ZP3: variants seen among roughly 807,000 people sequenced by gnomAD.
ZP3 encodes the protein zona pellucida sperm-binding protein 3.
ZP3 carries 21 observed loss-of-function variants against 35.6 expected under a neutral mutation model. That is an observed-to-expected ratio of 0.59 (90% CI 0.42 to 0.85). ZP3 has a LOEUF of 0.85. ZP3 is among the 40% of genes least tolerant of loss of function. The pLI is 0.00. For synonymous variants in ZP3, 207 were observed against 214.5 expected, an observed-to-expected ratio of 0.96 and a Z score of 0.31; for missense variants, 437 against 536.5, an observed-to-expected ratio of 0.81 and a Z score of 1.83.
Position 76,405,146 on chromosome 7 carries a change from C to T in ZP3, c.-67+7349C>T, listed in dbSNP as rs186045095. 3.9e-3 allele frequency among the ~76,000 whole-genome samples: 554 copies of T among 143,794 alleles called. 5 individuals are homozygous for T. The highest frequency in any genetic ancestry group is 0.013 in the African/African-American group (527 of 39,746). The allele number at this position is 143,794 out of a possible 152,430, so 94.3% of individuals were successfully genotyped here. A position where few individuals can be genotyped will look rare whatever the true frequency, so the allele number is the denominator to read the frequency against. ...TTCAGACAGAGTCTCACTCTGTGGCCAGGCTGGAGTGTAATGGCACAATCT... is the reference window on the plus strand; with the variant it reads ...TTCAGACAGAGTCTCACTCTGTGGCTAGGCTGGAGTGTAATGGCACAATCT... On this transcript the variant is annotated intron_variant, in intron 1 of 8. Transcript: ENST00000336517.
At position 76,440,467 on chromosome 7, in the gene ZP3, C is replaced by G. The variant is rs781317872; in HGVS notation, c.924-8C>G. The G allele has an allele frequency of 3.1e-6, 5 of 1,612,278 alleles. No individual in the cohort carries two copies. Among genetic ancestry groups the G allele is most frequent in the Non-Finnish European group, 3.4e-6 (4 of 1,178,838 alleles). Reference sequence around the variant, plus strand: ...ACAAAAATCTAAGCTGCTTCTCTTTCATCTCAGCTGGTTCCCAGTGGAAGG... The same window carrying G: ...ACAAAAATCTAAGCTGCTTCTCTTTGATCTCAGCTGGTTCCCAGTGGAAGG... On this transcript the variant is annotated splice_region_variant and splice_polypyrimidine_tract_variant and intron_variant, in intron 6 of 7. Coordinates refer to ENST00000394857, the MANE Select transcript of ZP3 (RefSeq NM_001110354.2).
At chr7:76,426,020 T>A (rs1805639648) in intron 1 of ZP3, among the ~76,000 whole-genome samples, 1 of 151,362 alleles carries the variant, frequency 6.6e-6, no homozygotes, top group Admixed American at 6.6e-5. Flanking sequence ...GAGGCAAAGG[T>A]TGCAGTGAGC....
intron 1 of ZP3, among the ~76,000 whole-genome samples, chr7:76,416,297 C>T (rs375363076): frequency 2.7e-5 from 4 of 150,446 alleles, no homozygotes; most frequent in South Asian, 2.1e-4. Flanking sequence ...AGTATGGTGG[C>T]GCACACCTAT....
At chr7:76,436,200 C>T (rs542172985) in intron 5 of ZP3, among the ~76,000 whole-genome samples, 63 of 151,894 alleles carry the variant, frequency 4.1e-4, no homozygotes, top group African/African-American at 1.1e-3. Context: ...TGTAGGCATA[C>T]GCCACTACTG....
rs1013148311 is a variant in ZP3 at position 76,429,763 on chromosome 7, G to A, written c.431+130G>A. On this transcript the variant is annotated intron_variant, in intron 2 of 7. Transcript: ENST00000394857. ...ACTACCTACCGAAGCATTTGCAGCT[G>A]TGGTTACTGTACTGCGTGGGATTGT... The A allele has an allele frequency of 5.0e-6, 4 of 798,184 alleles. No individual in the cohort carries two copies. In the African/African-American group the frequency reaches 6.8e-5, roughly 13 times the overall value. The allele number at this position is 798,184 out of a possible 1,614,324, so 49.4% of individuals were successfully genotyped here.
At chr7:76,401,019 A>G in intron 1 of ZP3, 3 of 1,550,418 alleles carry the variant, frequency 1.9e-6, no homozygotes, top group Non-Finnish European at 2.6e-6. Context: ...TTGAAAGGGC[A>G]GTGGAGTGGG....
intron 1 of ZP3, among the ~76,000 whole-genome samples, chr7:76,402,202 A>G (rs1173585771): frequency 2.2e-5 from 2 of 91,004 alleles, no homozygotes; most frequent in African/African-American, 3.7e-5. Flanking sequence ...TTTTTTTTTG[A>G]GACAGAGTCT....
At chr7:76,440,085 G>T in intron 5 of ZP3, 165 bp from the exon 6 acceptor site, 2 of 1,327,270 alleles carry the variant, frequency 1.5e-6, no homozygotes, top group Non-Finnish European at 2.0e-6. Flanking sequence ...GACCTCAGGT[G>T]ATCTACCCGC....
upstream of ZP3, among the ~76,000 whole-genome samples, chr7:76,420,936 C>CT (rs547626231): frequency 0.086 from 11,936 of 139,484 alleles, 913 homozygotes; most frequent in African/African-American, 0.2. Flanking sequence ...TGTGTCTCCA[C>CT]TTTTTTTTTT....
chr7:76,418,662 C>T (rs964283016), intron 1 of ZP3, among the ~76,000 whole-genome samples: 5 of 151,528 alleles, frequency 3.3e-5, no homozygotes, highest in African/African-American at 7.3e-5. Flanking sequence ...CGAGACCATC[C>T]CAGCTAACAC....
intron 1 of ZP3, among the ~76,000 whole-genome samples, chr7:76,408,222 G>A (rs956809027): frequency 6.6e-6 from 1 of 152,118 alleles, no homozygotes; most frequent in Non-Finnish European, 1.5e-5. Flanking sequence ...GTGCCCTGGT[G>A]TACAAAGTCT....
intron 7 of ZP3, among the ~76,000 whole-genome samples, chr7:76,441,120 G>A (rs1163750891): frequency 4.6e-5 from 7 of 151,242 alleles, no homozygotes; most frequent in South Asian, 2.1e-4. Context: ...GCAGTGAGCC[G>A]AGATTGCACC....
chr7:76,420,010 C>T (rs904461641), upstream of ZP3, among the ~76,000 whole-genome samples: 4 of 151,958 alleles, frequency 2.6e-5, no homozygotes, highest in African/African-American at 9.7e-5. Flanking sequence ...CCATGTTGGC[C>T]AGGCTGGTCT....
At chr7:76,437,464 T>G (rs987242722) in intron 5 of ZP3, among the ~76,000 whole-genome samples, 1 of 142,254 alleles carries the variant, frequency 7.0e-6, no homozygotes. Flanking sequence ...GCTATCACAC[T>G]CCCCTCTTTT....
chr7:76,438,179 C>T (rs2115940628), intron 5 of ZP3, among the ~76,000 whole-genome samples: 1 of 152,306 alleles, frequency 6.6e-6, no homozygotes, highest in African/African-American at 2.4e-5. Flanking sequence ...GGAAACTGAC[C>T]TGGGGACGGG....
At chr7:76,403,369 G>A (rs10228911) in intron 1 of ZP3, among the ~76,000 whole-genome samples, 39,597 of 137,026 alleles carry the variant, frequency 0.29, 5,511 homozygotes, top group East Asian at 0.43. Context: ...ACAGAGTCTC[G>A]CCCTGTCACT....
upstream of ZP3, among the ~76,000 whole-genome samples, chr7:76,422,907 G>A (rs1460255462): frequency 6.6e-6 from 1 of 150,452 alleles, no homozygotes; most frequent in Admixed American, 6.7e-5. Flanking sequence ...CTGAGGTGGA[G>A]AATCACTTGA....
chr7:76,427,449 T>G (rs933147326), intron 1 of ZP3, among the ~76,000 whole-genome samples: 6 of 144,022 alleles, frequency 4.2e-5, no homozygotes, highest in African/African-American at 1.6e-4. Flanking sequence ...CCGGGAGGCG[T>G]AGGTTGCAGT....
At position 76,399,119 on chromosome 7, in the gene ZP3, T is replaced by C. The variant is rs542040595; in HGVS notation, c.-67+1322T>C. ...CTCCGCCTCCCTGGTTAAAGCAATTTGCCTGCCTCAGCCTCCTGAGTAGCT... is the reference window on the plus strand; with the variant it reads ...CTCCGCCTCCCTGGTTAAAGCAATTCGCCTGCCTCAGCCTCCTGAGTAGCT... On this transcript the variant is annotated intron_variant, in intron 1 of 8. Coordinates refer to the ZP3 transcript ENST00000336517. Among the ~76,000 whole-genome samples the C allele has an allele frequency of 3.7e-4, 57 of 152,124 alleles. 1 individual carries two copies. The highest frequency in any genetic ancestry group is 1.3e-3 in the African/African-American group (53 of 41,526).
Sources: allele counts gnomAD v4.1 joint callset (sites outside exome capture counted in the v4.1 genomes callset), GRCh38; gene constraint gnomAD v4.1.1; transcripts MANE v1.5; gene names NCBI Gene and HGNC (gene_info 2026-07-23, HGNC 2026-07-21).